PIGL: variants seen among roughly 807,000 people sequenced by gnomAD.
PIGL encodes N-acetylglucosaminyl-phosphatidylinositol de-N-acetylase.
PIGL carries 22 observed loss-of-function variants against 31.1 expected under a neutral mutation model. That is an observed-to-expected ratio of 0.71 (90% CI 0.51 to 1.01). The LOEUF (loss-of-function observed/expected upper bound fraction) is 1.01, where lower values mean the gene tolerates loss of function less well. Ranked by LOEUF, PIGL falls within the 50% of genes least tolerant of loss-of-function variation. PIGL has a pLI of 0.00. For synonymous variants in PIGL, 131 were observed against 117.4 expected (o/e 1.12, Z -0.75); for missense variants, 302 against 315.9 (o/e 0.96, Z 0.33).
chr17:16,265,869 G>A (rs981176455), intron 2 of PIGL, among the ~76,000 whole-genome samples: 4 of 152,110 alleles, frequency 2.6e-5, no homozygotes, highest in African/African-American at 9.6e-5. Context: ...TATAGACCCT[G>A]TACTTTAAGA....
intron 2 of PIGL, among the ~76,000 whole-genome samples, chr17:16,246,765 A>G (rs896679580): frequency 7.4e-6 from 1 of 135,042 alleles, no homozygotes; most frequent in East Asian, 2.2e-4. Flanking sequence ...GGCTCACTGC[A>G]AGCTCTGCTT....
At chr17:16,317,294 G>A (rs2093082134) in intron 5 of PIGL, 1 of 1,002,786 alleles carries the variant, frequency 1.0e-6, no homozygotes, top group Non-Finnish European at 1.2e-6. Context: ...TTTGGAACAT[G>A]ACTATAGTTT....
At chr17:16,303,178 T>G (rs1269478021) in intron 3 of PIGL, among the ~76,000 whole-genome samples, 3 of 152,228 alleles carry the variant, frequency 2.0e-5, no homozygotes, top group African/African-American at 4.8e-5. Flanking sequence ...AAAGAAGAGC[T>G]AACTTTGATG....
chr17:16,217,430 G>A lies in PIGL; in HGVS notation c.204G>A (p.Arg68=), dbSNP rs370434230. ...CAGTGCTAGGCTTGGCCCGCCTAAG[G>A]CACTGGGTGTACCTGCTTTGCTTCT... ...APTVLGLARL[R]HWVYLLCFSA... is the part of the protein sequence containing the mutation. Residue 68 remains arginine, a synonymous_variant, in exon 1 of 7, where the codon AGG becomes AGA. Coordinates refer to ENST00000225609, the MANE Select transcript of PIGL (RefSeq NM_004278.4). The A allele has an allele frequency of 6.2e-7, 1 of 1,614,222 alleles. No homozygotes were observed. The highest frequency in any genetic ancestry group is 8.5e-7 in the Non-Finnish European group (1 of 1,180,038).
At position 16,326,077 on chromosome 17, in the gene PIGL, G is replaced by T; in HGVS notation, c.*179G>T. On this transcript the variant is annotated 3_prime_UTR_variant, in exon 7 of 7. Coordinates refer to ENST00000225609, the MANE Select transcript of PIGL (RefSeq NM_004278.4). Reference sequence around the variant, plus strand: ...TCCAAACTCCAGCTTCTTCCCCTGGGAAAAAACCCAAAGAACCAAAAACAA... The same window carrying T: ...TCCAAACTCCAGCTTCTTCCCCTGGTAAAAAACCCAAAGAACCAAAAACAA... 3.6e-6 allele frequency: 2 copies of T among 561,072 alleles called. No homozygotes were observed. 34.8% of individuals were successfully genotyped at this position (561,072 alleles called of 1,614,324 possible).
intron 4 of PIGL, among the ~76,000 whole-genome samples, chr17:16,313,933 C>T (rs1226666517): frequency 6.6e-6 from 1 of 152,160 alleles, no homozygotes; most frequent in Non-Finnish European, 1.5e-5. Flanking sequence ...GCCAAATTTG[C>T]AAGCCCTGTG....
chr17:16,311,925 C>G (rs916728603), intron 3 of PIGL, among the ~76,000 whole-genome samples: 1 of 152,142 alleles, frequency 6.6e-6, no homozygotes. Flanking sequence ...TTTTCTATTC[C>G]ACAAAACCGC....
chr17:16,234,244 C>T (rs2092690756), intron 2 of PIGL, 174 bp downstream of exon 2: 16 of 477,572 alleles, frequency 3.4e-5, no homozygotes, highest in Non-Finnish European at 5.3e-5. Context: ...CCGAGGTGGG[C>T]GGTCTCAGGA....
chr17:16,255,015 C>G (rs1178581843), intron 2 of PIGL, among the ~76,000 whole-genome samples: 1 of 152,224 alleles, frequency 6.6e-6, no homozygotes, highest in Non-Finnish European at 1.5e-5. Context: ...ACCATAAACT[C>G]TCTTCCTGTG....
intron 2 of PIGL, among the ~76,000 whole-genome samples, chr17:16,235,287 A>G (rs1441817258): frequency 6.6e-6 from 1 of 152,184 alleles, no homozygotes; most frequent in African/African-American, 2.4e-5. Flanking sequence ...GGATTTCGAC[A>G]AGGACCACAC....
chr17:16,278,822 G>T (rs1451063419), intron 2 of PIGL, among the ~76,000 whole-genome samples: 2 of 151,986 alleles, frequency 1.3e-5, no homozygotes, highest in South Asian at 2.1e-4. Flanking sequence ...GAACTAAAAG[G>T]CATTTATACT....
At chr17:16,320,530 AG>A (rs1050463644) in intron 6 of PIGL, among the ~76,000 whole-genome samples, 4 of 140,884 alleles carry the variant, frequency 2.8e-5, no homozygotes, top group African/African-American at 1.1e-4. Context: ...AGAAAAGAAA[AG>A]AAGAAGGAAG....
At chr17:16,220,169 GAAACCCCGTCTCTCCTACAAATACA>G (rs1229611081) in intron 1 of PIGL, among the ~76,000 whole-genome samples, 1 of 151,924 alleles carries the variant, frequency 6.6e-6, no homozygotes, top group Non-Finnish European at 1.5e-5. Context: ...CCAACATGTT[GAAACCCCGTCTCTCCTACAAATACA>G]AAAATTAGCT....
intron 2 of PIGL, among the ~76,000 whole-genome samples, chr17:16,270,453 TA>T (rs2092866488): frequency 6.6e-6 from 1 of 151,692 alleles, no homozygotes; most frequent in African/African-American, 2.4e-5. Context: ...AATTATAAAT[TA>T]ATTAATTATA....
intron 2 of PIGL, chr17:16,279,737 A>T (rs926579813): frequency 3.9e-5 from 6 of 152,256 alleles, no homozygotes; most frequent in Admixed American, 6.5e-5. Context: ...TCATCAGATT[A>T]TAGTAGCCTG....
chr17:16,275,431 C>T (rs150125495), intron 2 of PIGL, among the ~76,000 whole-genome samples: 3 of 152,150 alleles, frequency 2.0e-5, no homozygotes, highest in Non-Finnish European at 2.9e-5. Flanking sequence ...GTCTTTATGA[C>T]GTGTATTTTG....
intron 1 of PIGL, among the ~76,000 whole-genome samples, chr17:16,231,260 G>A (rs1218465396): frequency 6.8e-6 from 1 of 146,646 alleles, no homozygotes. Flanking sequence ...TGAGACACAG[G>A]GTCTCACATT....
At chr17:16,232,193 G>T (rs558189392) in intron 1 of PIGL, among the ~76,000 whole-genome samples, 1 of 152,016 alleles carries the variant, frequency 6.6e-6, no homozygotes, top group African/African-American at 2.4e-5. Flanking sequence ...CAAGAGAATC[G>T]CTTGCACCTG....
In PIGL at chr17:16,321,237, CTTTTTTT is replaced by C. The variant is rs772667855; in HGVS notation, c.660+3344_660+3350del. Among the ~76,000 whole-genome samples, 5 of 119,840 alleles carry C rather than the reference CTTTTTTT, an allele frequency of 4.2e-5. No individual in the cohort carries two copies. The South Asian group carries it at 7.8e-4, about 19-fold the overall frequency. 78.6% of individuals were successfully genotyped at this position (119,840 alleles called of 152,430 possible). ...ACAGGCATGAACCACTGCGCCGGGC[CTTTTTTT>C]TTTTTTTTTTTTTTAGATGTAGTTT... On this transcript the variant is annotated intron_variant, in intron 6 of 6. Coordinates refer to ENST00000225609, the MANE Select transcript of PIGL (RefSeq NM_004278.4).
Sources: allele counts gnomAD v4.1 joint callset (sites outside exome capture counted in the v4.1 genomes callset), GRCh38; gene constraint gnomAD v4.1.1; transcripts MANE v1.5; gene names NCBI Gene and HGNC (gene_info 2026-07-23, HGNC 2026-07-21).